KCNU1: variants seen among roughly 807,000 people sequenced by gnomAD.
The protein encoded by KCNU1 is potassium channel subfamily U member 1.
KCNU1 carries 93 observed loss-of-function variants against 126.8 expected under a neutral mutation model. The ratio of observed to expected loss-of-function variants is 0.73; its 90% CI spans 0.62 to 0.87. The LOEUF (loss-of-function observed/expected upper bound fraction) is 0.87, where lower values mean the gene tolerates loss of function less well. KCNU1 is among the 40% of genes least tolerant of loss of function. The pLI is 0.00. For missense variants in KCNU1, 1,330 were observed against 1,367.1 expected, an observed-to-expected ratio of 0.97 and a Z score of 0.43; for synonymous variants, 523 against 494.2, an observed-to-expected ratio of 1.06 and a Z score of -0.77.
intron 10 of KCNU1, among the ~76,000 whole-genome samples, chr8:36,821,273 A>G (rs1301635370): frequency 2.0e-5 from 3 of 152,168 alleles, no homozygotes; most frequent in Admixed American, 6.6e-5. Context: ...ATAATTGAGA[A>G]ACATTCTCTA....
At chr8:36,820,138 T>C (rs1234292571) in intron 10 of KCNU1, among the ~76,000 whole-genome samples, 1 of 152,128 alleles carries the variant, frequency 6.6e-6, no homozygotes, top group Non-Finnish European at 1.5e-5. Context: ...TGGATGAATG[T>C]ACCTACGTGG....
chr8:36,835,730 C>T (rs1477409050), intron 12 of KCNU1, among the ~76,000 whole-genome samples: 1 of 152,130 alleles, frequency 6.6e-6, no homozygotes, highest in Admixed American at 6.5e-5. Flanking sequence ...CTTGTGATAA[C>T]TGTGATTATG....
At chr8:36,895,253 A>AT (rs1004901414) in intron 19 of KCNU1, among the ~76,000 whole-genome samples, 46 of 151,926 alleles carry the variant, frequency 3.0e-4, no homozygotes, top group African/African-American at 1.1e-3. Context: ...TAATTTTTAT[A>AT]TTTTTAGTAG....
intron 24 of KCNU1, among the ~76,000 whole-genome samples, chr8:36,928,487 A>G (rs1447530126): frequency 6.6e-6 from 1 of 152,138 alleles, no homozygotes; most frequent in Non-Finnish European, 1.5e-5. Flanking sequence ...GGGATGTAAC[A>G]AAGAAGAAAC....
chr8:36,784,427 T>G lies in KCNU1; in HGVS notation c.17T>G (p.Leu6Arg). ...GTCTCGAACATGTTTCAGACTAAGC[T>G]ACGAAATGAAACTTGGGAAGACTTG... MFQTK[L>R]RNETWEDLPK... The change falls in exon 1 of 27, where the codon CTA becomes CGA. Residue 6 changes from leucine to arginine, a missense_variant. Leu to Arg is a moderately radical substitution (Grantham distance 102). Transcript: ENST00000399881. 6.2e-7 allele frequency: 1 copy of G among 1,612,852 alleles called. No individual in the cohort carries two copies. The highest frequency in any genetic ancestry group is 1.7e-5 in the Admixed American group (1 of 59,856).
In KCNU1 at chr8:36,935,611, T is replaced by A. The variant is rs1255522084; in HGVS notation, c.3141T>A (p.Asn1047Lys). The A allele has an allele frequency of 6.2e-7, 1 of 1,613,308 alleles. No individual in the cohort carries two copies. Among genetic ancestry groups the A allele is most frequent in the Admixed American group, 1.7e-5 (1 of 59,954 alleles). Residue 1047 changes from asparagine (N) to lysine (K), a missense_variant, in exon 27 of 27, where the codon AAT (asparagine) becomes AAA (lysine). Around this residue, in one of 3 missense-constraint regions of KCNU1, gnomAD observed 1,054 missense variants for 1,053.9 expected, o/e 1.00. Coordinates refer to ENST00000399881, the MANE Select transcript of KCNU1 (RefSeq NM_001031836.3). ...IPFSTACYKR[N>K]EEFSLQKSYE... The stretch of plus-strand genomic sequence containing the variant: ...TCAGCACTGCTTGTTATAAAAGGAA[T>A]GAAGAGTTCTCATTGCAAAAGTCAT...
chr8:36,906,356 A>G (rs779785731), intron 20 of KCNU1, among the ~76,000 whole-genome samples: 27 of 152,144 alleles, frequency 1.8e-4, no homozygotes, highest in Non-Finnish European at 1.8e-4. Flanking sequence ...TATTACAGTC[A>G]TGTCCTTGTC....
intron 19 of KCNU1, among the ~76,000 whole-genome samples, chr8:36,875,455 C>T (rs1383208720): frequency 6.7e-6 from 1 of 148,832 alleles, no homozygotes; most frequent in Non-Finnish European, 1.5e-5. Flanking sequence ...GATATATATA[C>T]ACACACACAC....
chr8:36,865,432 T>C (rs898687705), intron 19 of KCNU1, among the ~76,000 whole-genome samples: 4 of 151,946 alleles, frequency 2.6e-5, no homozygotes, highest in Admixed American at 2.6e-4. Context: ...GTATTCGCAA[T>C]AGCCAAGATA....
intron 18 of KCNU1, among the ~76,000 whole-genome samples, chr8:36,860,231 C>T (rs1585473825): frequency 6.6e-6 from 1 of 152,230 alleles, no homozygotes; most frequent in South Asian, 2.1e-4. Flanking sequence ...GTACCCGCCA[C>T]CATGCCCAGC....
intron 4 of KCNU1, among the ~76,000 whole-genome samples, chr8:36,805,924 A>T (rs991326967): frequency 6.6e-6 from 1 of 152,028 alleles, no homozygotes; most frequent in African/African-American, 2.4e-5. Context: ...GCTCACTGCA[A>T]CCTCTACCTC....
chr8:36,872,360 G>A (rs986426034), intron 19 of KCNU1, among the ~76,000 whole-genome samples: 4 of 152,026 alleles, frequency 2.6e-5, no homozygotes, highest in African/African-American at 9.7e-5. Flanking sequence ...ACCACATCTC[G>A]AAGCCTATCG....
chr8:36,930,229 A>G (rs2117611826), intron 24 of KCNU1, among the ~76,000 whole-genome samples: 1 of 152,278 alleles, frequency 6.6e-6, no homozygotes, highest in African/African-American at 2.4e-5. Context: ...TGCCTGGTCC[A>G]CAATGAATGT....
At chr8:36,811,448 A>G (rs563189233) in intron 7 of KCNU1, among the ~76,000 whole-genome samples, 55 of 152,324 alleles carry the variant, frequency 3.6e-4, no homozygotes, top group African/African-American at 7.2e-4. Context: ...GGTCAATACC[A>G]GAAGATGATA....
intron 12 of KCNU1, 44 bp downstream of exon 12, chr8:36,834,912 A>G (rs1321472241): frequency 3.8e-6 from 5 of 1,318,212 alleles, no homozygotes; most frequent in East Asian, 4.8e-5. Flanking sequence ...ATTTTTTTCT[A>G]TCTCTTTTAA....
intron 26 of KCNU1, 149 bp from the exon 27 acceptor site, chr8:36,935,366 T>A (rs2117626814): frequency 1.6e-6 from 1 of 633,390 alleles, no homozygotes; most frequent in East Asian, 2.6e-5. Context: ...AAATAGCTAT[T>A]TACTATTAAT....
intron 16 of KCNU1, among the ~76,000 whole-genome samples, 198 bp from the exon 17 acceptor site, chr8:36,845,382 T>A (rs754269391): frequency 4.6e-4 from 70 of 152,158 alleles, no homozygotes; most frequent in Non-Finnish European, 2.1e-4. Flanking sequence ...CTGGCTCCCC[T>A]CTGCATAGTC....
chr8:36,898,528 T>C (rs979447933), intron 19 of KCNU1, among the ~76,000 whole-genome samples: 1 of 151,824 alleles, frequency 6.6e-6, no homozygotes, highest in African/African-American at 2.4e-5. Flanking sequence ...AGTTTTCAGA[T>C]ATCTCATGCT....
intron 19 of KCNU1, among the ~76,000 whole-genome samples, chr8:36,903,796 T>A (rs906617683): frequency 6.6e-6 from 1 of 152,096 alleles, no homozygotes; most frequent in Non-Finnish European, 1.5e-5. Flanking sequence ...AAGCTTACCA[T>A]CGTGGTGGAA....
Sources: allele counts gnomAD v4.1 joint callset (sites outside exome capture counted in the v4.1 genomes callset), GRCh38; gene constraint gnomAD v4.1.1; regional missense constraint gnomAD v4.1.1; transcripts MANE v1.5; gene names NCBI Gene and HGNC (gene_info 2026-07-23, HGNC 2026-07-21).